Variants in GABBR2 observed in about 807,000 individuals in gnomAD.
The protein encoded by GABBR2 is G-protein coupled receptor 51.
Under a neutral mutation model 105.6 loss-of-function variants are expected in GABBR2, and 23 were observed. That is an observed-to-expected ratio of 0.22 (90% CI 0.16 to 0.31). The LOEUF (loss-of-function observed/expected upper bound fraction) is 0.31, where lower values mean the gene tolerates loss of function less well. Among genes scored for constraint, GABBR2 ranks in the 10% least tolerant of loss-of-function variants. The pLI is 1.00. For synonymous variants in GABBR2, 478 were observed against 499.7 expected, an observed-to-expected ratio of 0.96 and a Z score of 0.58; for missense variants, 734 against 1,245.5, an observed-to-expected ratio of 0.59 and a Z score of 6.18.
intron 1 of GABBR2, among the ~76,000 whole-genome samples, chr9:98,680,462 T>C (rs1035330193): frequency 6.6e-6 from 1 of 152,102 alleles, no homozygotes; most frequent in Admixed American, 6.6e-5. Context: ...CCCGCCACTA[T>C]GCCCGGCTAA....
intron 1 of GABBR2, among the ~76,000 whole-genome samples, chr9:98,681,735 T>C (rs1425606326): frequency 6.7e-6 from 1 of 148,628 alleles, no homozygotes. Context: ...CCAATTCCTC[T>C]TTTTGATCAA....
intron 7 of GABBR2, among the ~76,000 whole-genome samples, chr9:98,447,946 AC>A (rs1394808773): frequency 2.6e-5 from 4 of 152,154 alleles, no homozygotes; most frequent in African/African-American, 9.7e-5. Flanking sequence ...TTCACCAGCA[AC>A]AAAAGCAAAT....
chr9:98,348,476 A>G (rs941882207), intron 13 of GABBR2, among the ~76,000 whole-genome samples: 1 of 152,148 alleles, frequency 6.6e-6, no homozygotes, highest in Non-Finnish European at 1.5e-5. Flanking sequence ...GAAGAATGTC[A>G]TTGACCTTTT....
At chr9:98,447,537 A>ATGTGTGTGTGTGTG (rs58069151) in intron 7 of GABBR2, among the ~76,000 whole-genome samples, 3 of 142,402 alleles carry the variant, frequency 2.1e-5, no homozygotes, top group Non-Finnish European at 4.6e-5. Context: ...ACTAGTATGT[A>ATGTGTGTGTGTGTG]TGTGTGTGTG....
intron 1 of GABBR2, among the ~76,000 whole-genome samples, chr9:98,700,941 C>G (rs1178326999): frequency 6.6e-6 from 1 of 152,162 alleles, no homozygotes; most frequent in Non-Finnish European, 1.5e-5. Context: ...ACACACTGGA[C>G]TTTGTGTGGG....
Position 98,388,654 on chromosome 9 carries a change from T to C in GABBR2, c.1529+200A>G, listed in dbSNP as rs1457336812. 7.0e-6 allele frequency among the ~76,000 whole-genome samples: 1 copy of C among 142,994 alleles called. No individual in the cohort carries two copies. The highest frequency in any genetic ancestry group is 2.2e-4 in the South Asian group (1 of 4,620). 93.8% of individuals were successfully genotyped at this position (142,994 alleles called of 152,430 possible). A position where few individuals can be genotyped will look rare whatever the true frequency, so the allele number is the denominator to read the frequency against. On this transcript the variant is annotated intron_variant, in intron 10 of 18. Coordinates refer to ENST00000259455, the MANE Select transcript of GABBR2 (RefSeq NM_005458.8). This position sits in a 1 kb window ranked among gnomAD's most constrained non-coding sequence, Gnocchi z 4.4. ...GTGTGTGTGTGTGTGTGTGTGTGTG[T>C]GTGTGTGCGTGCACGCACACACACG...
chr9:98,567,677 A>G (rs1434258199), intron 2 of GABBR2, among the ~76,000 whole-genome samples: 1 of 152,152 alleles, frequency 6.6e-6, no homozygotes, highest in Non-Finnish European at 1.5e-5. Flanking sequence ...GTCCCATCTA[A>G]TGCTCTCAAT....
chr9:98,676,360 G>T (rs1830477569), intron 1 of GABBR2, among the ~76,000 whole-genome samples: 1 of 152,216 alleles, frequency 6.6e-6, no homozygotes, highest in African/African-American at 2.4e-5. Flanking sequence ...AGAACTATAA[G>T]ATAATAAATT....
At chr9:98,520,259 A>G (rs1331422192) in intron 3 of GABBR2, among the ~76,000 whole-genome samples, 2 of 152,220 alleles carry the variant, frequency 1.3e-5, no homozygotes, top group Non-Finnish European at 2.9e-5. Flanking sequence ...AAGGAGAGGA[A>G]GTGATGGTGA....
At chr9:98,318,891 T>TTGTGTGTG (rs111952099) in intron 13 of GABBR2, among the ~76,000 whole-genome samples, 100 of 148,380 alleles carry the variant, frequency 6.7e-4, no homozygotes, top group African/African-American at 2.3e-3. Context: ...AAATGTGAGT[T>TTGTGTGTG]TGTGTGTGTG....
chr9:98,371,325 G>A, intron 12 of GABBR2, 139 bp downstream of exon 12: 2 of 619,268 alleles, frequency 3.2e-6, no homozygotes, highest in South Asian at 3.8e-5. Flanking sequence ...CCCCAGTAGG[G>A]TGAAGGTGGC....
intron 1 of GABBR2, among the ~76,000 whole-genome samples, chr9:98,662,697 T>C (rs1165722282): frequency 6.6e-6 from 1 of 152,118 alleles, no homozygotes; most frequent in East Asian, 1.9e-4. Context: ...GCTCTCCAGA[T>C]TCTCCTGAAC....
intron 1 of GABBR2, among the ~76,000 whole-genome samples, chr9:98,684,169 T>TAAAAAAAAAAAAAAAA (rs3032196): frequency 1.5e-5 from 1 of 66,140 alleles, no homozygotes; most frequent in African/African-American, 6.3e-5. Context: ...TTTACCACGG[T>TAAAAAAAAAAAAAAAA]AAAAAAAAAA....
chr9:98,506,603 A>G (rs1201315137), intron 3 of GABBR2, among the ~76,000 whole-genome samples: 3 of 152,208 alleles, frequency 2.0e-5, no homozygotes, highest in African/African-American at 4.8e-5. Context: ...TCAGGGCCCC[A>G]ATGAAGGAAG....
intron 13 of GABBR2, among the ~76,000 whole-genome samples, chr9:98,340,642 A>C (rs556254058): frequency 2.0e-5 from 3 of 152,170 alleles, no homozygotes; most frequent in Non-Finnish European, 2.9e-5. Context: ...GGACATACCT[A>C]ATCTTGCTCA....
At chr9:98,664,232 C>A (rs1317072728) in intron 1 of GABBR2, among the ~76,000 whole-genome samples, 18 of 152,178 alleles carry the variant, frequency 1.2e-4, no homozygotes, top group Admixed American at 9.8e-4. Flanking sequence ...AGTACGGCAT[C>A]CTGCTGGGGG....
At chr9:98,480,364 C>T (rs1826891058) in intron 5 of GABBR2, among the ~76,000 whole-genome samples, 1 of 152,142 alleles carries the variant, frequency 6.6e-6, no homozygotes, top group Non-Finnish European at 1.5e-5. Context: ...GGAGCCTTGG[C>T]TCTGCCATGA....
intron 1 of GABBR2, among the ~76,000 whole-genome samples, chr9:98,697,080 G>T (rs1267876091): frequency 6.6e-6 from 1 of 152,208 alleles, no homozygotes; most frequent in Non-Finnish European, 1.5e-5. Context: ...CAGAGCGTAA[G>T]CTGCAGAGAT....
intron 7 of GABBR2, among the ~76,000 whole-genome samples, chr9:98,439,857 A>G (rs1156889657): frequency 6.6e-6 from 1 of 152,240 alleles, no homozygotes; most frequent in Non-Finnish European, 1.5e-5. Flanking sequence ...ACTGTGTCCC[A>G]GGCACTCAAC....
Sources: allele counts gnomAD v4.1 joint callset (sites outside exome capture counted in the v4.1 genomes callset), GRCh38; gene constraint gnomAD v4.1.1; non-coding constraint Gnocchi (gnomAD v3.1); transcripts MANE v1.5; gene names NCBI Gene and HGNC (gene_info 2026-07-23, HGNC 2026-07-21).